PIK3R4: variants seen among roughly 807,000 people sequenced by gnomAD.
The protein encoded by PIK3R4 is phosphoinositide 3-kinase regulatory subunit 4.
In PIK3R4, 46 loss-of-function variants were observed where a neutral mutation model predicts 136.5. That is an observed-to-expected ratio of 0.34 (90% CI 0.27 to 0.43). The LOEUF is 0.43. Ranked by LOEUF, PIK3R4 falls within the 20% of genes least tolerant of loss-of-function variation. The probability of loss-of-function intolerance (pLI) is 1.00; values close to 1 mark genes in which losing one functional copy is unlikely to be tolerated. For synonymous variants in PIK3R4, 557 were observed against 566.7 expected (o/e 0.98, Z 0.24); for missense variants, 1,331 against 1,649.5 (o/e 0.81, Z 3.35).
At chr3:130,685,389 T>C (rs2066483736) in intron 15 of PIK3R4, among the ~76,000 whole-genome samples, 1 of 152,194 alleles carries the variant, frequency 6.6e-6, no homozygotes, top group East Asian at 1.9e-4. Flanking sequence ...ATATATACAA[T>C]TGTTTGTCAA....
chr3:130,710,679 G>T (rs148829508), intron 9 of PIK3R4, among the ~76,000 whole-genome samples: 40 of 152,110 alleles, frequency 2.6e-4, no homozygotes, highest in African/African-American at 9.2e-4. Context: ...AAAAGAAAAT[G>T]TTTAGCAAAT....
chr3:130,680,313 T>G (rs769494589), intron 19 of PIK3R4, among the ~76,000 whole-genome samples: 7 of 152,174 alleles, frequency 4.6e-5, no homozygotes, highest in Non-Finnish European at 1.0e-4. Context: ...TGTGTGACCT[T>G]GAACAAGTTA....
At chr3:130,714,612 A>T (rs1282871693) in intron 9 of PIK3R4, among the ~76,000 whole-genome samples, 1 of 89,024 alleles carries the variant, frequency 1.1e-5, no homozygotes, top group Non-Finnish European at 2.2e-5. Context: ...CTCACCCCCC[A>T]CCCCTCAACA....
rs958315137 is a variant in PIK3R4, at chr3:130,679,339, A to G, written c.4053T>C (p.Asp1351=). 1.9e-6 allele frequency: 3 copies of G among 1,607,802 alleles called. No individual in the cohort carries two copies. The highest frequency in any genetic ancestry group is 1.3e-5 in the African/African-American group (1 of 74,730). The part of the protein sequence containing the change: ...TQGFIVTASR[D]GIVKVWK ...TTTATTTCCACACCTTCACAATCCC[A>G]TCTCTAGAAGCAGTTACGATGAAGC... The change falls in exon 20 of 20, where the codon GAT becomes GAC. Residue 1351 remains aspartate (D), a synonymous_variant. Coordinates refer to ENST00000356763, the MANE Select transcript of PIK3R4 (RefSeq NM_014602.3).
At chr3:130,703,208 A>G (rs533278483) in intron 13 of PIK3R4, among the ~76,000 whole-genome samples, 1 of 152,278 alleles carries the variant, frequency 6.6e-6, no homozygotes, top group East Asian at 1.9e-4. Flanking sequence ...ACAAAGCCAT[A>G]TCTAACTGGC....
At position 130,679,032 on chromosome 3, in the gene PIK3R4, A is replaced by ATAAACATATTCATTT. The variant is rs1404957317; in HGVS notation, c.*268_*282dup. On this transcript the variant is annotated 3_prime_UTR_variant, in exon 20 of 20. Transcript: ENST00000356763. ...TTTCAACCATCTTTTTCAATACAAA[A>ATAAACATATTCATTT]TAAACATATTCATTTTCATATTTTA... The ATAAACATATTCATTT allele has an allele frequency of 5.4e-6, 1 of 186,108 alleles. No homozygotes were observed. The highest frequency in any genetic ancestry group is 2.3e-5 in the African/African-American group (1 of 42,732). The allele number at this position is 186,108 out of a possible 1,614,324, so 11.5% of individuals were successfully genotyped here. A position where few individuals can be genotyped will look rare whatever the true frequency, so the allele number is the denominator to read the frequency against.
intron 10 of PIK3R4, 27 bp from the exon 11 acceptor site, chr3:130,707,162 G>T: frequency 6.6e-7 from 1 of 1,511,730 alleles, no homozygotes; most frequent in Non-Finnish European, 9.0e-7. Flanking sequence ...AGAATAGTTA[G>T]TCTGAAGGTA....
At position 130,735,850 on chromosome 3, in the gene PIK3R4, A is replaced by G. The variant is rs751328658; in HGVS notation, c.867+19T>C. ...GATCCTATTAAAAACTTTATGGCGA[A>G]TATTTGTAGCATAGTTACCAATTCT... On this transcript the variant is annotated intron_variant, in intron 3 of 19. Coordinates refer to ENST00000356763, the MANE Select transcript of PIK3R4 (RefSeq NM_014602.3). The G allele has an allele frequency of 1.4e-5, 23 of 1,595,056 alleles. No homozygotes were observed. Among genetic ancestry groups the G allele is most frequent in the Non-Finnish European group, 1.8e-5 (21 of 1,174,488 alleles).
intron 1 of PIK3R4, among the ~76,000 whole-genome samples, chr3:130,745,838 A>T (rs2066849962): frequency 6.6e-6 from 1 of 152,086 alleles, no homozygotes; most frequent in African/African-American, 2.4e-5. Flanking sequence ...GCTGGCCAAC[A>T]TGGTTAAAAT....
intron 2 of PIK3R4, among the ~76,000 whole-genome samples, chr3:130,736,622 A>G (rs2066787314): frequency 6.6e-6 from 1 of 152,190 alleles, no homozygotes; most frequent in Admixed American, 6.5e-5. Flanking sequence ...GAATGTATAT[A>G]TGTAATATAT....
chr3:130,724,237 A>G (rs1179402906), intron 6 of PIK3R4, among the ~76,000 whole-genome samples: 1 of 152,216 alleles, frequency 6.6e-6, no homozygotes, highest in Non-Finnish European at 1.5e-5. Flanking sequence ...TTCTTTCTAA[A>G]AGGAAAACAA....
intron 13 of PIK3R4, among the ~76,000 whole-genome samples, chr3:130,700,211 T>C (rs749479127): frequency 1.2e-4 from 19 of 152,192 alleles, no homozygotes; most frequent in Admixed American, 6.5e-5. Flanking sequence ...CTTTACTTCA[T>C]AGCCACTCAA....
chr3:130,714,386 A>G (rs1201145332), intron 9 of PIK3R4, among the ~76,000 whole-genome samples: 1 of 152,130 alleles, frequency 6.6e-6, no homozygotes, highest in Admixed American at 6.5e-5. Flanking sequence ...ATGTACATTT[A>G]GATTTAACAT....
rs1470982867 is a variant in PIK3R4 at position 130,679,075 on chromosome 3, A to G, written c.*240T>C. 3.6e-6 allele frequency: 1 copy of G among 280,294 alleles called. No homozygotes were observed. Among genetic ancestry groups the G allele is most frequent in the South Asian group, 1.1e-4 (1 of 9,416 alleles). The allele number at this position is 280,294 out of a possible 1,614,324, so 17.4% of individuals were successfully genotyped here. A position where few individuals can be genotyped will look rare whatever the true frequency, so the allele number is the denominator to read the frequency against. ...ATATTTTACATTTCTCACCTCTATAACATATACAATAAAAATCCCAGACAT... is the reference window on the plus strand; with the variant it reads ...ATATTTTACATTTCTCACCTCTATAGCATATACAATAAAAATCCCAGACAT... On this transcript the variant is annotated 3_prime_UTR_variant, in exon 20 of 20. Transcript: ENST00000356763.
At position 130,694,957 on chromosome 3, in the gene PIK3R4, C is replaced by G. The variant is rs1278796175; in HGVS notation, c.3099-4303G>C. ...GCCTTTATTCATTTTCTATTACTAACTGGTTTGTTGAGTTGGTTATAATCA... is the reference window on the plus strand; with the variant it reads ...GCCTTTATTCATTTTCTATTACTAAGTGGTTTGTTGAGTTGGTTATAATCA... On this transcript the variant is annotated intron_variant, in intron 13 of 19. Transcript: ENST00000356763. Among the ~76,000 whole-genome samples, 4 of 152,034 alleles carry G rather than the reference C, an allele frequency of 2.6e-5. No homozygotes were observed. The East Asian group carries it at 7.7e-4, about 29-fold the overall frequency.
At chr3:130,703,989 A>C in intron 12 of PIK3R4, 101 bp from the exon 13 acceptor site, 1 of 752,774 alleles carries the variant, frequency 1.3e-6, no homozygotes, top group Non-Finnish European at 2.2e-6. Flanking sequence ...GAAAACAATC[A>C]TAAGAACTAA....
intron 2 of PIK3R4, among the ~76,000 whole-genome samples, chr3:130,741,616 T>C (rs2107623041): frequency 6.6e-6 from 1 of 152,276 alleles, no homozygotes; most frequent in Non-Finnish European, 1.5e-5. Context: ...AGAGAGGCCT[T>C]CCCTGACCAT....
intron 13 of PIK3R4, among the ~76,000 whole-genome samples, chr3:130,702,882 C>T (rs2066582671): frequency 6.6e-6 from 1 of 152,060 alleles, no homozygotes. Context: ...TTTCCTTACA[C>T]AGTTAGCCAT....
chr3:130,705,426 T>G (rs575803126), intron 12 of PIK3R4, 135 bp downstream of exon 12: 10 of 640,828 alleles, frequency 1.6e-5, no homozygotes, highest in African/African-American at 3.7e-5. Flanking sequence ...ACTTACTGCT[T>G]CTTCTTCTGG....
Sources: allele counts gnomAD v4.1 joint callset (sites outside exome capture counted in the v4.1 genomes callset), GRCh38; gene constraint gnomAD v4.1.1; transcripts MANE v1.5; gene names NCBI Gene and HGNC (gene_info 2026-07-23, HGNC 2026-07-21).